The following PRKAR2B variants were observed in gnomAD, a reference collection of about 807,000 sequenced individuals.
The protein encoded by PRKAR2B is protein kinase cAMP-dependent type II regulatory subunit beta.
PRKAR2B carries 14 observed loss-of-function variants against 49.9 expected under a neutral mutation model. The observed-to-expected ratio is 0.28, with a 90% CI of 0.19 to 0.44. The LOEUF (loss-of-function observed/expected upper bound fraction) is 0.44, where lower values mean the gene tolerates loss of function less well. Among genes scored for constraint, PRKAR2B ranks in the 20% least tolerant of loss-of-function variants. The pLI, the probability that PRKAR2B is intolerant of heterozygous loss-of-function variation, is 1.00. For missense variants in PRKAR2B, 393 were observed against 537.9 expected, an observed-to-expected ratio of 0.73 and a Z score of 2.67; for synonymous variants, 196 against 197.7, an observed-to-expected ratio of 0.99 and a Z score of 0.07.
intron 3 of PRKAR2B, among the ~76,000 whole-genome samples, chr7:107,122,834 G>A (rs1252581733): frequency 2.0e-5 from 3 of 152,172 alleles, no homozygotes; most frequent in Non-Finnish European, 4.4e-5. Flanking sequence ...GGCTTACAAC[G>A]TGGAAGATCT....
At chr7:107,092,449 G>A (rs1047145476) in intron 2 of PRKAR2B, among the ~76,000 whole-genome samples, 4 of 152,026 alleles carry the variant, frequency 2.6e-5, no homozygotes, top group South Asian at 2.1e-4. Context: ...AGGGGATAGC[G>A]GTGTTTAAGG....
At chr7:107,045,374 T>C (rs1285717379) in intron 1 of PRKAR2B, among the ~76,000 whole-genome samples, 160 bp downstream of exon 1, 1 of 152,058 alleles carries the variant, frequency 6.6e-6, no homozygotes, top group African/African-American at 2.4e-5. Flanking sequence ...AGCATCCATT[T>C]CTGTCTCTCC....
At chr7:107,134,507 A>G (rs1562867307) in intron 4 of PRKAR2B, among the ~76,000 whole-genome samples, 1 of 152,362 alleles carries the variant, frequency 6.6e-6, no homozygotes, top group East Asian at 1.9e-4. Context: ...TTATAATTGT[A>G]CATATAACAG....
chr7:107,122,888 C>A (rs1281916144), intron 3 of PRKAR2B, among the ~76,000 whole-genome samples: 2 of 152,138 alleles, frequency 1.3e-5, no homozygotes, highest in Non-Finnish European at 2.9e-5. Flanking sequence ...TTCCCACTAC[C>A]AGGGTTGTGG....
At chr7:107,140,790 T>TAAGA in intron 4 of PRKAR2B, 57 bp from the exon 5 acceptor site, 1 of 1,301,582 alleles carries the variant, frequency 7.7e-7, no homozygotes, top group South Asian at 1.3e-5. Context: ...TGTGGTTACT[T>TAAGA]AAGAAAACAT....
chr7:107,133,936 TA>T (rs1249595004), intron 4 of PRKAR2B, among the ~76,000 whole-genome samples: 1 of 152,194 alleles, frequency 6.6e-6, no homozygotes, highest in Non-Finnish European at 1.5e-5. Flanking sequence ...CTATCTTGTA[TA>T]TTTTTGCAGG....
At chr7:107,059,712 G>GTGTA (rs1793988887) in intron 1 of PRKAR2B, among the ~76,000 whole-genome samples, 2 of 151,910 alleles carry the variant, frequency 1.3e-5, no homozygotes, top group South Asian at 4.2e-4. Context: ...GTGTGTGTGT[G>GTGTA]TGTGTGTATG....
chr7:107,105,552 G>C (rs987730156), intron 2 of PRKAR2B, among the ~76,000 whole-genome samples: 36 of 152,336 alleles, frequency 2.4e-4, no homozygotes, highest in African/African-American at 8.2e-4. Context: ...CTGCTCCCTT[G>C]TCTAGTAAGA....
rs540173342 is a variant in PRKAR2B at position 107,048,473 on chromosome 7, A to C, written c.307+3259A>C. Among the ~76,000 whole-genome samples the C allele has an allele frequency of 9.9e-5, 15 of 152,198 alleles. No homozygotes were observed. In the East Asian group the frequency reaches 2.5e-3, roughly 25 times the overall value. On this transcript the variant is annotated intron_variant, in intron 1 of 10. Coordinates refer to ENST00000265717, the MANE Select transcript of PRKAR2B (RefSeq NM_002736.3). ...CTCTCTTGTGAATGTCTTTAACGTA[A>C]GTGATGGTATTTATGAGAGGTTGGA...
rs1379361464 is a variant in PRKAR2B, at chr7:107,157,300, G to A, written c.1099G>A (p.Ala367Thr). The change falls in exon 10 of 11, where the codon GCC (alanine) becomes ACC (threonine). Residue 367 changes from alanine (A) to threonine (T), a missense_variant. By Grantham distance (58) the Ala-to-Thr change is moderately conservative. Transcript: ENST00000265717. ...CAAACCTCGAGCAGCTTCTGCCCAC[G>A]CCATTGGGACTGTCAAATGTTTAGG... is the stretch of plus-strand genomic sequence containing the variant. ...TNKPRAASAH[A>T]IGTVKCLAMD... 5 of 1,614,032 alleles carry A rather than the reference G, an allele frequency of 3.1e-6. No individual in the cohort carries two copies. The highest frequency in any genetic ancestry group is 1.7e-5 in the Admixed American group (1 of 59,990).
intron 1 of PRKAR2B, among the ~76,000 whole-genome samples, chr7:107,057,730 A>G (rs1793942987): frequency 6.6e-6 from 1 of 152,158 alleles, no homozygotes; most frequent in Non-Finnish European, 1.5e-5. Flanking sequence ...TAAATGAATT[A>G]ACAGTACCTG....
intron 2 of PRKAR2B, among the ~76,000 whole-genome samples, chr7:107,107,124 G>T (rs1795086390): frequency 6.6e-6 from 1 of 152,170 alleles, no homozygotes; most frequent in Non-Finnish European, 1.5e-5. Flanking sequence ...ATCACCTGAG[G>T]TCAGGAGTTC....
intron 2 of PRKAR2B, among the ~76,000 whole-genome samples, chr7:107,079,732 G>A (rs1017719776): frequency 6.6e-5 from 10 of 152,154 alleles, no homozygotes; most frequent in Admixed American, 1.3e-4. Context: ...GTTACACATC[G>A]TTTGATGTTG....
chr7:107,048,521 A>G (rs1411255471), intron 1 of PRKAR2B, among the ~76,000 whole-genome samples: 1 of 152,202 alleles, frequency 6.6e-6, no homozygotes, highest in Admixed American at 6.5e-5. Flanking sequence ...GTTTTTGACC[A>G]TGCAACTTGT....
intron 1 of PRKAR2B, among the ~76,000 whole-genome samples, chr7:107,063,115 TG>T (rs1218206306): frequency 1.3e-5 from 2 of 152,196 alleles, no homozygotes; most frequent in Non-Finnish European, 2.9e-5. Context: ...GCGATTCTCA[TG>T]CCTCAGCCTC....
At chr7:107,111,870 T>A (rs1056984628) in intron 2 of PRKAR2B, among the ~76,000 whole-genome samples, 1 of 151,734 alleles carries the variant, frequency 6.6e-6, no homozygotes, top group African/African-American at 2.4e-5. Flanking sequence ...AAGTCTATTC[T>A]AAACTCTGCA....
chr7:107,076,984 TG>T (rs2116782310), intron 2 of PRKAR2B, among the ~76,000 whole-genome samples: 1 of 152,324 alleles, frequency 6.6e-6, no homozygotes, highest in East Asian at 1.9e-4. Context: ...TGCTTCCTTT[TG>T]TTTTGTTTGG....
chr7:107,099,870 G>A (rs1035581641), intron 2 of PRKAR2B, among the ~76,000 whole-genome samples: 3 of 152,124 alleles, frequency 2.0e-5, no homozygotes, highest in East Asian at 1.9e-4. Context: ...TCCTGACCTC[G>A]TGATCCGCCC....
intron 4 of PRKAR2B, 142 bp from the exon 5 acceptor site, chr7:107,140,705 A>G (rs974847756): frequency 2.3e-5 from 12 of 526,336 alleles, no homozygotes; most frequent in Non-Finnish European, 3.4e-5. Flanking sequence ...AAAGACTACT[A>G]TGTATTTTTC....
Sources: gnomAD v4.1 joint callset for allele counts (sites outside exome capture counted in the v4.1 genomes callset) on GRCh38, gnomAD v4.1.1 for gene constraint, MANE v1.5 for transcripts, NCBI Gene and HGNC (gene_info 2026-07-23, HGNC 2026-07-21) for gene names.